Variants in MYLK4 observed in about 807,000 individuals in gnomAD.
MYLK4 encodes myosin light chain kinase family member 4.
MYLK4 carries 46 observed loss-of-function variants against 48.1 expected under a neutral mutation model. That is an observed-to-expected ratio of 0.96 (90% CI 0.75 to 1.22). The LOEUF (loss-of-function observed/expected upper bound fraction) is 1.22. Ranked by LOEUF, MYLK4 falls within the 50% of genes most tolerant of loss-of-function variation. The probability of loss-of-function intolerance (pLI) is 0.00; values close to 1 mark genes in which losing one functional copy is unlikely to be tolerated. For missense variants in MYLK4, 451 were observed against 486.1 expected, an observed-to-expected ratio of 0.93 and a Z score of 0.68; for synonymous variants, 170 against 180.8, an observed-to-expected ratio of 0.94 and a Z score of 0.48.
rs1760597746 is a variant in MYLK4 at position 2,665,176 on chromosome 6, C to G, written c.*2749G>C. On this transcript the variant is annotated 3_prime_UTR_variant, in exon 13 of 13. Coordinates refer to ENST00000274643, the MANE Select transcript of MYLK4 (RefSeq NM_001012418.5). ...ATAGCCCTGGTCTAGCCAGACTCAG[C>G]TTTTCTGAGTCCATGCTCGCATCTG... 1 of 152,228 alleles carries G rather than the reference C, an allele frequency of 6.6e-6. No individual in the cohort carries two copies. Among genetic ancestry groups the G allele is most frequent in the African/African-American group, 2.4e-5 (1 of 41,452 alleles). The allele number at this position is 152,228 out of a possible 1,614,324, so 9.4% of individuals were successfully genotyped here.
rs1482281281 is a variant in MYLK4, at chr6:2,685,185, C to T, written c.545+111G>A. 1.5e-5 allele frequency: 11 copies of T among 745,316 alleles called. No individual in the cohort carries two copies. The highest frequency in any genetic ancestry group is 3.4e-5 in the African/African-American group (2 of 58,548). The allele number at this position is 745,316 out of a possible 1,614,324, so 46.2% of individuals were successfully genotyped here. A position where few individuals can be genotyped will look rare whatever the true frequency, so the allele number is the denominator to read the frequency against. ...TGTGATCCGCGCGAATCAGAGTCTGCGGGGGCGAGCTTGGTTCTGGTCCCG... is the reference window on the plus strand; with the variant it reads ...TGTGATCCGCGCGAATCAGAGTCTGTGGGGGCGAGCTTGGTTCTGGTCCCG... On this transcript the variant is annotated intron_variant, in intron 6 of 12. Transcript: ENST00000274643. This position sits in a 1 kb window ranked among gnomAD's most constrained non-coding sequence, Gnocchi z 4.5.
At chr6:2,690,908 C>T (rs542622589) in intron 3 of MYLK4, among the ~76,000 whole-genome samples, 1 of 145,602 alleles carries the variant, frequency 6.9e-6, no homozygotes, top group East Asian at 2.0e-4. Flanking sequence ...CGGCTCACTG[C>T]AAGCTCCGCC....
intron 2 of MYLK4, among the ~76,000 whole-genome samples, chr6:2,700,780 A>C (rs1327457265): frequency 1.3e-5 from 2 of 152,142 alleles, no homozygotes; most frequent in East Asian, 3.9e-4. Context: ...CTTGGCCAAA[A>C]TTTAGTAATT....
chr6:2,737,661 A>T (rs1007124913), intron 2 of MYLK4, among the ~76,000 whole-genome samples: 1 of 152,154 alleles, frequency 6.6e-6, no homozygotes. Flanking sequence ...GCAATGTGGC[A>T]TCAAGATGCT....
chr6:2,676,251 T>C (rs772686152), intron 10 of MYLK4, among the ~76,000 whole-genome samples: 6 of 152,294 alleles, frequency 3.9e-5, no homozygotes, highest in African/African-American at 1.2e-4. Flanking sequence ...AATATTTAAG[T>C]ATAAGATTTG....
At chr6:2,769,160 TTTTAATC>T in the MYLK4 span, among the ~76,000 whole-genome samples, 45 of 152,374 alleles carry the variant, frequency 3.0e-4, no homozygotes, top group Non-Finnish European at 4.9e-4. Flanking sequence ...TTTTAGGAAT[TTTTAATC>T]TAAATACTAG....
At chr6:2,732,336 A>C (rs1763506868) in intron 2 of MYLK4, among the ~76,000 whole-genome samples, 3 of 152,182 alleles carry the variant, frequency 2.0e-5, no homozygotes, top group African/African-American at 7.2e-5. Flanking sequence ...CCATATTTCA[A>C]ATACCCACTC....
At chr6:2,695,819 T>C (rs1049146581) in intron 2 of MYLK4, among the ~76,000 whole-genome samples, 6 of 152,232 alleles carry the variant, frequency 3.9e-5, no homozygotes, top group Admixed American at 2.0e-4. Context: ...GTTGCTAAAA[T>C]AGAAAGCTCA....
At chr6:2,743,727 T>G (rs1763973718) in intron 2 of MYLK4, among the ~76,000 whole-genome samples, 1 of 152,150 alleles carries the variant, frequency 6.6e-6, no homozygotes, top group African/African-American at 2.4e-5. Context: ...GGTGCAAGTG[T>G]TTGAAATGTG....
chr6:2,745,533 T>A (rs1044624586), intron 2 of MYLK4, among the ~76,000 whole-genome samples: 24 of 152,216 alleles, frequency 1.6e-4, no homozygotes, highest in African/African-American at 5.8e-4. Context: ...TGAAAACTTT[T>A]AAAATTTTAC....
intron 2 of MYLK4, among the ~76,000 whole-genome samples, chr6:2,696,870 G>A (rs1300570225): frequency 6.6e-6 from 1 of 152,092 alleles, no homozygotes; most frequent in Non-Finnish European, 1.5e-5. Flanking sequence ...GACCAGCCCG[G>A]CCAACATAGT....
Position 2,749,311 on chromosome 6 carries a change from A to T in MYLK4, c.-17T>A, listed in dbSNP as rs1764206047. 6.2e-7 allele frequency: 1 copy of T among 1,607,272 alleles called. No individual in the cohort carries two copies. The highest frequency in any genetic ancestry group is 1.7e-4 in the Middle Eastern group (1 of 6,042). On this transcript the variant is annotated 5_prime_UTR_variant, in exon 2 of 13. Transcript: ENST00000274643. Reference sequence around the variant, plus strand: ...TTTTAACATCTTAGTAGTGAGTCCGATTAAGCTACTTTCTGGAGTGTGGTT... The same window carrying T: ...TTTTAACATCTTAGTAGTGAGTCCGTTTAAGCTACTTTCTGGAGTGTGGTT...
At chr6:2,676,619 C>T (rs1761091377) in intron 10 of MYLK4, among the ~76,000 whole-genome samples, 1 of 152,202 alleles carries the variant, frequency 6.6e-6, no homozygotes, top group African/African-American at 2.4e-5. Context: ...TTAGTTTCAT[C>T]CAAGCATTGA....
At chr6:2,670,098 G>T (rs1182325356) in intron 12 of MYLK4, among the ~76,000 whole-genome samples, 2 of 152,200 alleles carry the variant, frequency 1.3e-5, no homozygotes, top group Non-Finnish European at 2.9e-5. Flanking sequence ...AGGCCCGGTG[G>T]CTCACGCCTG....
At chr6:2,723,682 G>A (rs1049120017) in intron 2 of MYLK4, among the ~76,000 whole-genome samples, 1 of 152,146 alleles carries the variant, frequency 6.6e-6, no homozygotes, top group African/African-American at 2.4e-5. Flanking sequence ...AGCTCAGGTA[G>A]AAGTGGTCGG....
chr6:2,716,881 C>T (rs886416811), intron 2 of MYLK4, among the ~76,000 whole-genome samples: 1 of 152,186 alleles, frequency 6.6e-6, no homozygotes, highest in Non-Finnish European at 1.5e-5. Flanking sequence ...ATAGTGAGCT[C>T]TCAATAATGC....
chr6:2,706,778 C>A (rs974643209), intron 2 of MYLK4, among the ~76,000 whole-genome samples: 1 of 152,180 alleles, frequency 6.6e-6, no homozygotes, highest in Non-Finnish European at 1.5e-5. Flanking sequence ...TCCTCCTTCA[C>A]GGAGAACATG....
chr6:2,738,602 T>G lies in MYLK4; in HGVS notation c.159+10534A>C, dbSNP rs191512207. 3.0e-3 allele frequency among the ~76,000 whole-genome samples: 455 copies of G among 152,330 alleles called. 2 individuals are homozygous for G. Among genetic ancestry groups the G allele is most frequent in the Middle Eastern group, 6.8e-3 (2 of 294 alleles). On this transcript the variant is annotated intron_variant, in intron 2 of 12. Transcript: ENST00000274643. ...CTGGAGGTCACTGTCACCTTGCAGT[T>G]GCAGAGAAGAACCTCAATTTGTGGT...
chr6:2,766,504 G>T, the MYLK4 span: 1 of 1,443,764 alleles, frequency 6.9e-7, no homozygotes, highest in Non-Finnish European at 9.2e-7. Flanking sequence ...TGCAGCTGAT[G>T]GTCGGAGAGC....
Sources: allele counts gnomAD v4.1 joint callset (sites outside exome capture counted in the v4.1 genomes callset), GRCh38; gene constraint gnomAD v4.1.1; non-coding constraint Gnocchi (gnomAD v3.1); transcripts MANE v1.5; gene names NCBI Gene and HGNC (gene_info 2026-07-23, HGNC 2026-07-21).